COL28A1: variants seen among roughly 807,000 people sequenced by gnomAD.
The protein encoded by COL28A1 is collagen type XXVIII alpha 1 chain, also known as collagen alpha-1(XXVIII) chain.
In COL28A1, 161 loss-of-function variants were observed where a neutral mutation model predicts 150.2. The ratio of observed to expected loss-of-function variants is 1.07; its 90% confidence interval spans 0.94 to 1.22. The LOEUF is 1.22. COL28A1 is among the 50% of genes most tolerant of loss of function. The probability of loss-of-function intolerance (pLI) is 0.00; values close to 1 mark genes in which losing one functional copy is unlikely to be tolerated. For synonymous variants in COL28A1, 552 were observed against 469.7 expected (o/e 1.18, Z -2.26); for missense variants, 1,617 against 1,388.3 (o/e 1.16, Z -2.62).
At chr7:7,493,473 T>G (rs940939105) in intron 11 of COL28A1, among the ~76,000 whole-genome samples, 1 of 152,140 alleles carries the variant, frequency 6.6e-6, no homozygotes, top group East Asian at 1.9e-4. Flanking sequence ...GAGCAATATC[T>G]TAATATTGCT....
the COL28A1 span, among the ~76,000 whole-genome samples, chr7:7,542,051 A>G: frequency 6.6e-6 from 1 of 152,246 alleles, no homozygotes; most frequent in Non-Finnish European, 1.5e-5. Flanking sequence ...GAAATGCATC[A>G]TAAAGAAAGA....
At chr7:7,509,519 C>T (rs948890465) in intron 9 of COL28A1, among the ~76,000 whole-genome samples, 5 of 152,158 alleles carry the variant, frequency 3.3e-5, no homozygotes, top group Non-Finnish European at 2.9e-5. Flanking sequence ...GTAAACTCTT[C>T]GTGTCAAGGA....
At chr7:7,465,194 C>A (rs1012992182) in intron 15 of COL28A1, among the ~76,000 whole-genome samples, 1 of 150,954 alleles carries the variant, frequency 6.6e-6, no homozygotes, top group Non-Finnish European at 1.5e-5. Flanking sequence ...ATCTGAGGTA[C>A]CGGGTTCATC....
At chr7:7,363,799 A>G (rs143285174) in intron 33 of COL28A1, among the ~76,000 whole-genome samples, 140 of 152,102 alleles carry the variant, frequency 9.2e-4, no homozygotes, top group African/African-American at 2.4e-3. Flanking sequence ...TATAACATTT[A>G]TTATTATTAT....
rs140559119 is a variant in COL28A1, at chr7:7,494,403, T to C, written c.1027-3757A>G. Among the ~76,000 whole-genome samples, 747 of 152,330 alleles carry C rather than the reference T, an allele frequency of 4.9e-3. 2 individuals carry two copies. The highest frequency in any genetic ancestry group is 6.8e-3 in the Middle Eastern group (2 of 294). On this transcript the variant is annotated intron_variant, in intron 11 of 34. Transcript: ENST00000399429. ...GAAAAAACCATGGCTTTGAATCATT[T>C]GGTCTTGTAGAACCTTGGTTCTATC... is the stretch of plus-strand genomic sequence containing the variant.
intron 15 of COL28A1, among the ~76,000 whole-genome samples, chr7:7,463,870 C>T (rs1046272305): frequency 2.6e-5 from 4 of 152,094 alleles, no homozygotes; most frequent in African/African-American, 7.2e-5. Flanking sequence ...CATAGAATTG[C>T]AGAATGGATA....
chr7:7,495,369 T>C (rs1350143373), intron 11 of COL28A1, among the ~76,000 whole-genome samples: 1 of 152,092 alleles, frequency 6.6e-6, no homozygotes, highest in Non-Finnish European at 1.5e-5. Flanking sequence ...ATTAATGAGG[T>C]TGAAGGCTCA....
chr7:7,379,181 C>T (rs1382885361), intron 30 of COL28A1, among the ~76,000 whole-genome samples: 1 of 152,138 alleles, frequency 6.6e-6, no homozygotes, highest in African/African-American at 2.4e-5. Context: ...GAGCGGGGGC[C>T]TCTAAAACAC....
intron 9 of COL28A1, among the ~76,000 whole-genome samples, chr7:7,508,211 A>G (rs988119811): frequency 2.0e-5 from 3 of 151,822 alleles, no homozygotes; most frequent in Non-Finnish European, 4.4e-5. Flanking sequence ...CAGCCTGGGC[A>G]ACAGAGCGAG....
chr7:7,445,604 A>G (rs1167539297), intron 18 of COL28A1, among the ~76,000 whole-genome samples: 9 of 152,244 alleles, frequency 5.9e-5, no homozygotes, highest in Admixed American at 5.9e-4. Context: ...CTTGCTTTCG[A>G]GTTAATTTAC....
intron 9 of COL28A1, among the ~76,000 whole-genome samples, chr7:7,508,233 A>C (rs76506536): frequency 1.4e-5 from 2 of 145,166 alleles, no homozygotes; most frequent in African/African-American, 2.5e-5. Context: ...CTCTGTCTCA[A>C]AAAAAAAAAA....
rs144070942 is a variant in COL28A1, at chr7:7,360,779, T to TAC, written c.3067-253_3067-252dup. On this transcript the variant is annotated intron_variant, in intron 33 of 34. Coordinates refer to ENST00000399429, the MANE Select transcript of COL28A1 (RefSeq NM_001037763.3). ...CTGTGTACACACACATATACACACA[T>TAC]ACACACACACACGCAGCCCACCTCC... is the stretch of plus-strand genomic sequence containing the variant. 1.9e-3 allele frequency among the ~76,000 whole-genome samples: 284 copies of TAC among 152,056 alleles called. 1 individual carries two copies. Among genetic ancestry groups the TAC allele is most frequent in the Non-Finnish European group, 3.0e-3 (205 of 67,960 alleles).
rs1425884635 is a variant in COL28A1 at position 7,373,701 on chromosome 7, GTTTCT to G, written c.2360-160_2360-156del. Reference sequence around the variant, plus strand: ...ATACCTGACAGCTGTCTCCATTCTGGTTTCTTTTTTTTTTTGTGAGACAGAGTCTC... The same window carrying G: ...ATACCTGACAGCTGTCTCCATTCTGGTTTTTTTTTTGTGAGACAGAGTCTC... On this transcript the variant is annotated intron_variant, in intron 31 of 34. Coordinates refer to ENST00000399429, the MANE Select transcript of COL28A1 (RefSeq NM_001037763.3). The surrounding 1 kb of genome is among the most constrained non-coding windows in gnomAD (Gnocchi z 4.1). Among the ~76,000 whole-genome samples the G allele has an allele frequency of 1.1e-3, 97 of 89,870 alleles. No homozygotes were observed. The highest frequency in any genetic ancestry group is 2.6e-3 in the African/African-American group (92 of 35,884). The allele number at this position is 89,870 out of a possible 152,430, so 59.0% of individuals were successfully genotyped here. A position where few individuals can be genotyped will look rare whatever the true frequency, so the allele number is the denominator to read the frequency against.
intron 6 of COL28A1, among the ~76,000 whole-genome samples, chr7:7,519,014 C>T (rs755410054): frequency 5.3e-5 from 8 of 152,016 alleles, no homozygotes; most frequent in Non-Finnish European, 1.0e-4. Flanking sequence ...CAAATATTTC[C>T]TGATATTTCT....
At chr7:7,495,215 T>C (rs1161200673) in intron 11 of COL28A1, among the ~76,000 whole-genome samples, 1 of 152,230 alleles carries the variant, frequency 6.6e-6, no homozygotes, top group Non-Finnish European at 1.5e-5. Flanking sequence ...AAGTATTAAT[T>C]ATTTTTTTAC....
At chr7:7,391,130 CT>C (rs1782517349) in intron 27 of COL28A1, among the ~76,000 whole-genome samples, 1 of 152,144 alleles carries the variant, frequency 6.6e-6, no homozygotes, top group Non-Finnish European at 1.5e-5. Context: ...ATAAATTTCC[CT>C]CTAAACACTG....
At chr7:7,383,253 TG>T (rs1781971624) in intron 27 of COL28A1, among the ~76,000 whole-genome samples, 12 of 105,350 alleles carry the variant, frequency 1.1e-4, no homozygotes, top group African/African-American at 6.2e-4. Context: ...TTTTTTGTTG[TG>T]TGTGTGTGTG....
chr7:7,397,884 G>A lies in COL28A1; in HGVS notation c.2137-16272C>T, dbSNP rs557265382. Among the ~76,000 whole-genome samples, 18 of 152,274 alleles carry A rather than the reference G, an allele frequency of 1.2e-4. 1 individual carries two copies. Among genetic ancestry groups the A allele is most frequent in the East Asian group, 9.6e-4 (5 of 5,184 alleles). ...AAAACAAGTGCCTCCTACTCTCATC[G>A]CATAATGAAGAATCCCTTCACCTGA... On this transcript the variant is annotated intron_variant, in intron 27 of 34. Coordinates refer to ENST00000399429, the MANE Select transcript of COL28A1 (RefSeq NM_001037763.3).
rs117020205 is a variant in COL28A1, at chr7:7,455,617, G to A, written c.1371+427C>T. On this transcript the variant is annotated intron_variant, in intron 16 of 34. Coordinates refer to ENST00000399429, the MANE Select transcript of COL28A1 (RefSeq NM_001037763.3). ...AACTATAATACTTTTTTAAAAAATG[G>A]ATATGTGGCTAGTTAGAGTGGTTGG... Among the ~76,000 whole-genome samples, 855 of 152,204 alleles carry A rather than the reference G, an allele frequency of 5.6e-3. 6 individuals are homozygous for A. The highest frequency in any genetic ancestry group is 7.8e-3 in the Admixed American group (119 of 15,286).
Sources: gnomAD v4.1 joint callset for allele counts (sites outside exome capture counted in the v4.1 genomes callset) on GRCh38, gnomAD v4.1.1 for gene constraint, Gnocchi (gnomAD v3.1) non-coding constraint, MANE v1.5 for transcripts, NCBI Gene and HGNC (gene_info 2026-07-23, HGNC 2026-07-21) for gene names.